Variants in LIAS observed in about 807,000 individuals in gnomAD.
The protein encoded by LIAS is lipoyl synthase, mitochondrial.
A neutral mutation model predicts 49.4 loss-of-function variants in LIAS; 36 were observed. The ratio of observed to expected loss-of-function variants is 0.73; its 90% CI spans 0.56 to 0.96. The LOEUF (loss-of-function observed/expected upper bound fraction) is 0.96. Among genes scored for constraint, LIAS ranks in the 40% least tolerant of loss-of-function variants. LIAS has a pLI of 0.00. For missense variants in LIAS, 399 were observed against 456.3 expected (o/e 0.87, Z 1.14); for synonymous variants, 145 against 155.8 (o/e 0.93, Z 0.52).
intron 8 of LIAS, 104 bp downstream of exon 8, chr4:39,470,268 T>C (rs1230557506): frequency 1.1e-6 from 1 of 872,172 alleles, no homozygotes; most frequent in East Asian, 2.7e-5. Flanking sequence ...AGTATATGGT[T>C]ATAGATGGCA....
rs1578237272 is a variant in LIAS at position 39,465,653 on chromosome 4, G to T, written c.608+311G>T. On this transcript the variant is annotated intron_variant, in intron 6 of 10. Transcript: ENST00000640888. ...ATTTTCTTTAAAAAGTATAAACCTGGTCTTCTTAGTAATGATTTTTTTTTT... is the reference window on the plus strand; with the variant it reads ...ATTTTCTTTAAAAAGTATAAACCTGTTCTTCTTAGTAATGATTTTTTTTTT... Among the ~76,000 whole-genome samples the T allele has an allele frequency of 2.7e-5, 4 of 145,902 alleles. No homozygotes were observed. The South Asian group carries it at 6.6e-4, about 24-fold the overall frequency.
At chr4:39,462,155 A>T (rs749231188) in intron 2 of LIAS, 41 bp from the exon 3 acceptor site, 2 of 851,658 alleles carry the variant, frequency 2.3e-6, no homozygotes, top group African/African-American at 3.6e-5. Context: ...ATTATTTGGC[A>T]GCATATTTGT....
At chr4:39,467,402 A>G (rs1744801078) in intron 6 of LIAS, 116 bp from the exon 7 acceptor site, 10 of 1,000,832 alleles carry the variant, frequency 1.0e-5, no homozygotes, top group Non-Finnish European at 1.4e-5. Context: ...TTTCTTGACA[A>G]AGTTCTAAAG....
Position 39,463,552 on chromosome 4 carries a change from A to T in LIAS, c.340A>T (p.Ile114Phe). 1 of 1,611,508 alleles carries T rather than the reference A, an allele frequency of 6.2e-7. No homozygotes were observed. The highest frequency in any genetic ancestry group is 8.5e-7 in the Non-Finnish European group (1 of 1,178,394). ...ATGTGAGGAAGCTCGATGTCCCAAT[A>T]TTGGAGAGTGTTGGGGAGGTGGAGA... ...TVCEEARCPN[I>F]GECWGGGEYA... Residue 114 changes from isoleucine to phenylalanine, a missense_variant, in exon 4 of 11, where the codon ATT (isoleucine) becomes TTT (phenylalanine). This residue lies in a region of LIAS where 159 missense variants were observed against 147.6 expected (regional missense o/e 1.08). Transcript: ENST00000640888.
intron 2 of LIAS, 97 bp from the exon 3 acceptor site, chr4:39,462,099 A>T (rs979822762): frequency 2.1e-6 from 1 of 472,180 alleles, no homozygotes; most frequent in Non-Finnish European, 3.7e-6. Flanking sequence ...AGAAAAAATT[A>T]TTAACTAGGA....
intron 9 of LIAS, among the ~76,000 whole-genome samples, chr4:39,472,417 T>A (rs1745027504): frequency 6.6e-6 from 1 of 152,206 alleles, no homozygotes; most frequent in South Asian, 2.1e-4. Context: ...TGTATTCTTA[T>A]AAGTCCCAGT....
At chr4:39,472,148 T>C (rs888698890) in intron 9 of LIAS, among the ~76,000 whole-genome samples, 18 of 151,336 alleles carry the variant, frequency 1.2e-4, no homozygotes, top group African/African-American at 2.4e-4. Flanking sequence ...CACACACACA[T>C]ATATACACAT....
At chr4:39,471,151 C>T (rs1312478076) in intron 8 of LIAS, 85 bp from the exon 9 acceptor site, 14 of 988,216 alleles carry the variant, frequency 1.4e-5, no homozygotes, top group East Asian at 7.3e-5. Flanking sequence ...AAGTTCACAC[C>T]GTTTTTAAAT....
In LIAS at chr4:39,460,905, C is replaced by CA. The variant is rs1412636835; in HGVS notation, c.162dup (p.Asp55ArgfsTer7). 1 of 1,612,534 alleles carries CA rather than the reference C, an allele frequency of 6.2e-7. No individual in the cohort carries two copies. The highest frequency in any genetic ancestry group is 8.5e-7 in the Non-Finnish European group (1 of 1,179,354). On this transcript the variant is annotated frameshift_variant, in exon 2 of 11. Transcript: ENST00000640888. LOFTEE classifies it high-confidence loss of function. ...CAAGATTTTGTATCTGGTGATCTTGCAGACAGGAGCACCTGGGATGAATAT... is the reference window on the plus strand; with the variant it reads ...CAAGATTTTGTATCTGGTGATCTTGCAAGACAGGAGCACCTGGGATGAATAT...
chr4:39,476,644 G>A (rs16995300), intron 10 of LIAS: 12,074 of 156,408 alleles, frequency 0.077, 570 homozygotes, highest in African/African-American at 0.13. Flanking sequence ...CGTCTGCTCA[G>A]CTGCAACGAG....
chr4:39,462,345 T>TA, intron 3 of LIAS, 56 bp downstream of exon 3: 1 of 691,094 alleles, frequency 1.4e-6, no homozygotes, highest in Non-Finnish European at 2.2e-6. Flanking sequence ...TTTCTACGTT[T>TA]ATATAACTTA....
chr4:39,459,065 C>A lies in LIAS; in HGVS notation c.-53C>A. ...GCGACGTAATTTCGACCTGTCCTTT[C>A]CCGGGAGTTAGCGATCCCTCAACCC... On this transcript the variant is annotated 5_prime_UTR_variant, in exon 1 of 11. Coordinates refer to ENST00000640888, the MANE Select transcript of LIAS (RefSeq NM_006859.4). The A allele has an allele frequency of 6.2e-7, 1 of 1,602,136 alleles. No individual in the cohort carries two copies. The highest frequency in any genetic ancestry group is 8.6e-7 in the Non-Finnish European group (1 of 1,169,064).
At chr4:39,462,790 G>A (rs1315017336) in intron 3 of LIAS, among the ~76,000 whole-genome samples, 3 of 152,210 alleles carry the variant, frequency 2.0e-5, no homozygotes, top group Non-Finnish European at 2.9e-5. Context: ...TTCAAGACCA[G>A]CCTGGCCAAC....
chr4:39,463,848 A>C, intron 4 of LIAS: 2 of 648,712 alleles, frequency 3.1e-6, no homozygotes, highest in Non-Finnish European at 4.4e-6. Context: ...CTGCCTTGAG[A>C]TACCTCTCCT....
At chr4:39,471,516 A>ATTT (rs1290713850) in intron 9 of LIAS, among the ~76,000 whole-genome samples, 12 of 73,238 alleles carry the variant, frequency 1.6e-4, no homozygotes, top group Non-Finnish European at 2.5e-4. Flanking sequence ...ACATATATAT[A>ATTT]ATTTTTTTTT....
At chr4:39,472,149 A>G (rs1745016664) in intron 9 of LIAS, among the ~76,000 whole-genome samples, 1 of 152,074 alleles carries the variant, frequency 6.6e-6, no homozygotes, top group African/African-American at 2.4e-5. Flanking sequence ...ACACACACAT[A>G]TATACACATC....
At chr4:39,470,495 A>G in intron 8 of LIAS, 1 of 224,608 alleles carries the variant, frequency 4.5e-6, no homozygotes, top group Non-Finnish European at 9.1e-6. Context: ...ACACTTTTGG[A>G]GAGCCAGCCT....
Position 39,465,275 on chromosome 4 carries a change from T to A in LIAS, c.551-10T>A. 6.2e-7 allele frequency: 1 copy of A among 1,612,798 alleles called. No individual in the cohort carries two copies. ...ACATCATCCTGAGCAGTGGATTCTT[T>A]TGTTTCTAGATATGCCTGATGGGGG... On this transcript the variant is annotated splice_polypyrimidine_tract_variant and intron_variant, in intron 5 of 10. Coordinates refer to ENST00000640888, the MANE Select transcript of LIAS (RefSeq NM_006859.4).
At chr4:39,468,130 G>C (rs1039554316) in intron 7 of LIAS, 1 of 151,954 alleles carries the variant, frequency 6.6e-6, no homozygotes, top group Admixed American at 6.6e-5. Context: ...TTTCAAAGGA[G>C]GGAAAAAATT....
Sources: gnomAD v4.1 joint callset for allele counts (sites outside exome capture counted in the v4.1 genomes callset) on GRCh38, gnomAD v4.1.1 for gene constraint, gnomAD v4.1.1 regional missense constraint, MANE v1.5 for transcripts, NCBI Gene and HGNC (gene_info 2026-07-23, HGNC 2026-07-21) for gene names.